The following HTR4 variants were observed in gnomAD, a reference collection of about 807,000 sequenced individuals.
The protein encoded by HTR4 is 5-hydroxytryptamine (serotonin) receptor 4, G protein-coupled.
A neutral mutation model predicts 36.8 loss-of-function variants in HTR4; 16 were observed. The observed-to-expected ratio is 0.43, with a 90% confidence interval of 0.29 to 0.66. The LOEUF is 0.66. Among genes scored for constraint, HTR4 ranks in the 30% least tolerant of loss-of-function variants. HTR4 has a pLI of 0.13. For missense variants in HTR4, 438 were observed against 490.9 expected, an observed-to-expected ratio of 0.89 and a Z score of 1.02; for synonymous variants, 189 against 185.1, an observed-to-expected ratio of 1.02 and a Z score of -0.17.
chr5:148,476,619 A>G (rs951855511), downstream of HTR4: 4 of 1,552,652 alleles, frequency 2.6e-6, no homozygotes, highest in African/African-American at 5.5e-5. Flanking sequence ...GAAAAGCTTC[A>G]CATTCTTCCA....
chr5:148,466,163 T>A (rs891892388), intron 5 of HTR4, among the ~76,000 whole-genome samples: 3 of 152,136 alleles, frequency 2.0e-5, no homozygotes, highest in African/African-American at 7.2e-5. Context: ...TTCATCTGAG[T>A]CTTGCAACAA....
At chr5:148,555,975 C>G (rs1759933522) in intron 2 of HTR4, among the ~76,000 whole-genome samples, 1 of 152,066 alleles carries the variant, frequency 6.6e-6, no homozygotes, top group African/African-American at 2.4e-5. Context: ...CACACACTCT[C>G]TCTCTCTCTC....
intron 6 of HTR4, among the ~76,000 whole-genome samples, chr5:148,498,233 G>C (rs1204528888): frequency 1.3e-5 from 2 of 152,184 alleles, no homozygotes; most frequent in African/African-American, 4.8e-5. Context: ...AGGCTTGGCT[G>C]TTTCTAATTC....
In HTR4 at chr5:148,619,508, CT is replaced by C. The variant is rs201436405; in HGVS notation, c.26+17480del. ...GTGCCTGCCCTCAATTCAAAACAAA[CT>C]TGTTTTTGTTCAGATTCTTGCTACA... On this transcript the variant is annotated intron_variant, in intron 2 of 6. Transcript: ENST00000377888. Among the ~76,000 whole-genome samples the C allele has an allele frequency of 5.9e-3, 898 of 152,246 alleles. 8 individuals are homozygous for C. Among genetic ancestry groups the C allele is most frequent in the African/African-American group, 0.021 (862 of 41,542 alleles).
At chr5:148,625,771 G>T (rs1300463891) in intron 2 of HTR4, among the ~76,000 whole-genome samples, 1 of 152,092 alleles carries the variant, frequency 6.6e-6, no homozygotes, top group Admixed American at 6.5e-5. Context: ...AGTAGAGATG[G>T]GGTTTCACCA....
At chr5:148,547,566 T>TAAAATAAAATAAAATAAAATA (rs368015401) in intron 4 of HTR4, among the ~76,000 whole-genome samples, 2 of 113,306 alleles carry the variant, frequency 1.8e-5, no homozygotes, top group East Asian at 2.5e-4. Flanking sequence ...TAAAATAAAA[T>TAAAATAAAATAAAATAAAATA]AAATAAATAA....
In HTR4 at chr5:148,483,241, T is replaced by C; in HGVS notation, c.1129A>G (p.Thr377Ala). 1 of 1,613,952 alleles carries C rather than the reference T, an allele frequency of 6.2e-7. No individual in the cohort carries two copies. The highest frequency in any genetic ancestry group is 1.1e-5 in the South Asian group (1 of 91,074). The change falls in exon 7 of 7, where the codon ACT becomes GCT. Residue 377 changes from threonine to alanine, a missense_variant. Thr to Ala is a moderately conservative substitution (Grantham distance 58). Transcript: ENST00000377888. Reference protein sequence around the residue: ...QWESQCHPPATSPLVAAQPSD... With the variant: ...QWESQCHPPAASPLVAAQPSD... Reference sequence around the variant, plus strand: ...GGCTGAGCAGCCACCAAAGGAGAAGTTGCTGGCGGGTGACACTGACTCTCC... The same window carrying C: ...GGCTGAGCAGCCACCAAAGGAGAAGCTGCTGGCGGGTGACACTGACTCTCC...
chr5:148,511,527 A>C (rs887199188), intron 5 of HTR4, among the ~76,000 whole-genome samples: 1 of 152,114 alleles, frequency 6.6e-6, no homozygotes, highest in Non-Finnish European at 1.5e-5. Context: ...AATAAACTAC[A>C]ATATTACATA....
At chr5:148,520,689 CA>C (rs1459555572) in intron 5 of HTR4, among the ~76,000 whole-genome samples, 1 of 152,154 alleles carries the variant, frequency 6.6e-6, no homozygotes, top group Non-Finnish European at 1.5e-5. Context: ...TAATGATTAA[CA>C]GGGGGCTTCA....
At chr5:148,596,284 G>A (rs1281329803) in intron 2 of HTR4, among the ~76,000 whole-genome samples, 1 of 152,106 alleles carries the variant, frequency 6.6e-6, no homozygotes, top group African/African-American at 2.4e-5. Flanking sequence ...TTTAAATGTT[G>A]CAATTATCAC....
At chr5:148,539,940 C>T (rs1759022002) in intron 4 of HTR4, among the ~76,000 whole-genome samples, 2 of 152,072 alleles carry the variant, frequency 1.3e-5, no homozygotes, top group South Asian at 4.1e-4. Flanking sequence ...TTGCAGCACC[C>T]TTCACAATGG....
chr5:148,542,314 G>A (rs1449259114), intron 4 of HTR4, among the ~76,000 whole-genome samples: 1 of 152,190 alleles, frequency 6.6e-6, no homozygotes, highest in Non-Finnish European at 1.5e-5. Context: ...AAATGTAATT[G>A]TGTGACACAG....
At chr5:148,532,797 A>G (rs1758636979) in intron 4 of HTR4, among the ~76,000 whole-genome samples, 1 of 152,238 alleles carries the variant, frequency 6.6e-6, no homozygotes, top group Non-Finnish European at 1.5e-5. Flanking sequence ...CACGTCTCAG[A>G]GCAGTGGTTC....
intron 5 of HTR4, among the ~76,000 whole-genome samples, chr5:148,467,785 A>C (rs2113700533): frequency 6.6e-6 from 1 of 152,352 alleles, no homozygotes; most frequent in Non-Finnish European, 1.5e-5. Context: ...GTAAAACCAC[A>C]CCAACTTTAA....
intron 2 of HTR4, among the ~76,000 whole-genome samples, chr5:148,627,146 C>T (rs767571864): frequency 2.0e-5 from 3 of 152,186 alleles, no homozygotes; most frequent in Non-Finnish European, 4.4e-5. Context: ...GTCACCGTTT[C>T]CTCAGGCCCC....
intron 2 of HTR4, among the ~76,000 whole-genome samples, chr5:148,562,034 C>T (rs1245064482): frequency 1.3e-5 from 2 of 152,146 alleles, no homozygotes; most frequent in Non-Finnish European, 2.9e-5. Flanking sequence ...AAATCCTTTG[C>T]CCAAAGGAGA....
intron 5 of HTR4, among the ~76,000 whole-genome samples, chr5:148,453,407 C>T (rs939808660): frequency 1.3e-5 from 2 of 152,226 alleles, no homozygotes; most frequent in African/African-American, 4.8e-5. Flanking sequence ...GTGTTAACGA[C>T]TATATGCCTA....
Position 148,572,520 on chromosome 5 carries a change from T to A in HTR4, c.27-22258A>T, listed in dbSNP as rs374422979. ...TAAAATACATAATATGGAATACAGATGAATAGAAATGTTTGCCTCTTAAAA... is the reference window on the plus strand; with the variant it reads ...TAAAATACATAATATGGAATACAGAAGAATAGAAATGTTTGCCTCTTAAAA... On this transcript the variant is annotated intron_variant, in intron 2 of 6. Coordinates refer to ENST00000377888, the MANE Select transcript of HTR4 (RefSeq NM_000870.7). 7.4e-4 allele frequency among the ~76,000 whole-genome samples: 112 copies of A among 152,190 alleles called. 2 individuals carry two copies. The South Asian group carries it at 0.023, about 31-fold the overall frequency.
intron 1 of HTR4, among the ~76,000 whole-genome samples, chr5:148,644,443 T>TTTTTTTTTTTTTTG (rs1410651011): frequency 6.9e-6 from 1 of 144,404 alleles, no homozygotes; most frequent in African/African-American, 2.6e-5. Flanking sequence ...TTTTTTTTTT[T>TTTTTTTTTTTTTTG]TTTTTTTTTT....
Sources: allele counts gnomAD v4.1 joint callset (sites outside exome capture counted in the v4.1 genomes callset), GRCh38; gene constraint gnomAD v4.1.1; transcripts MANE v1.5; gene names NCBI Gene and HGNC (gene_info 2026-07-23, HGNC 2026-07-21).